SAP130: variants seen among roughly 807,000 people sequenced by gnomAD.
SAP130 encodes histone deacetylase complex subunit SAP130.
A neutral mutation model predicts 103.2 loss-of-function variants in SAP130; 16 were observed. The ratio of observed to expected loss-of-function variants is 0.16; its 90% CI spans 0.10 to 0.24. The LOEUF is 0.24. Ranked by LOEUF, SAP130 falls within the 10% of genes least tolerant of loss-of-function variation. The pLI, the probability that SAP130 is intolerant of heterozygous loss-of-function variation, is 1.00. For missense variants in SAP130, 990 were observed against 1,359.7 expected, an observed-to-expected ratio of 0.73 and a Z score of 4.28; for synonymous variants, 477 against 497.0, an observed-to-expected ratio of 0.96 and a Z score of 0.53.
intron 18 of SAP130, among the ~76,000 whole-genome samples, chr2:127,949,297 A>G (rs570693922): frequency 1.6e-4 from 24 of 152,288 alleles, no homozygotes; most frequent in South Asian, 6.2e-4. Context: ...CCGTAGAAAT[A>G]TTTGCAGGTA....
intron 13 of SAP130, 118 bp from the exon 14 acceptor site, chr2:127,987,080 T>A (rs1157616067): frequency 2.3e-6 from 2 of 871,662 alleles, no homozygotes; most frequent in African/African-American, 1.7e-5. Context: ...AACTGTCCAA[T>A]TTCAAACTGA....
At chr2:127,976,195 T>A (rs545218126) in intron 15 of SAP130, among the ~76,000 whole-genome samples, 1 of 152,202 alleles carries the variant, frequency 6.6e-6, no homozygotes, top group Non-Finnish European at 1.5e-5. Context: ...ACTGCAAGTA[T>A]CCTTATATCA....
Position 127,942,352 on chromosome 2 carries a change from C to T in SAP130, c.3015+72G>A, listed in dbSNP as rs1017781467. ...AAGATATGAGGGAGACGGGGGGAAA[C>T]GGGAGAAGTAGGGCTTTACAGAAAG... On this transcript the variant is annotated intron_variant, in intron 20 of 20. Coordinates refer to ENST00000643581, the MANE Select transcript of SAP130 (RefSeq NM_001330301.2). This position sits in a 1 kb window ranked among gnomAD's most constrained non-coding sequence, Gnocchi z 4.8. 2.6e-5 allele frequency: 31 copies of T among 1,183,612 alleles called. No homozygotes were observed. The highest frequency in any genetic ancestry group is 7.1e-5 in the Admixed American group (4 of 56,386). The allele number at this position is 1,183,612 out of a possible 1,614,324, so 73.3% of individuals were successfully genotyped here.
intron 14 of SAP130, among the ~76,000 whole-genome samples, chr2:127,980,702 G>A (rs1006053767): frequency 1.3e-5 from 2 of 152,120 alleles, no homozygotes; most frequent in African/African-American, 4.8e-5. Flanking sequence ...CTAGCACTTT[G>A]GGAGGCTGAA....
chr2:128,025,679 G>C (rs572503452), intron 2 of SAP130, among the ~76,000 whole-genome samples: 1 of 152,142 alleles, frequency 6.6e-6, no homozygotes, highest in African/African-American at 2.4e-5. Context: ...TATACTGGAG[G>C]ATAGGTATAG....
intron 7 of SAP130, among the ~76,000 whole-genome samples, chr2:128,000,709 C>T (rs960104882): frequency 1.8e-4 from 28 of 152,050 alleles, no homozygotes; most frequent in Admixed American, 9.2e-4. Flanking sequence ...ATCAACACTC[C>T]GTAACAAACT....
Position 128,022,730 on chromosome 2 carries a change from T to C in SAP130, c.112+3451A>G, listed in dbSNP as rs151157488. Among the ~76,000 whole-genome samples, 50 of 152,332 alleles carry C rather than the reference T, an allele frequency of 3.3e-4. 1 individual carries two copies. In the South Asian group the frequency reaches 6.2e-3, roughly 19 times the overall value. Reference sequence around the variant, plus strand: ...ATTAATAATGGTGAGCATCTTCTCATGTGCTTCTTTGGCACTTATCTAGCT... The same window carrying C: ...ATTAATAATGGTGAGCATCTTCTCACGTGCTTCTTTGGCACTTATCTAGCT... On this transcript the variant is annotated intron_variant, in intron 2 of 20. Transcript: ENST00000643581.
At chr2:127,951,174 G>A (rs1679470686) in intron 16 of SAP130, among the ~76,000 whole-genome samples, 2 of 152,176 alleles carry the variant, frequency 1.3e-5, no homozygotes, top group Admixed American at 6.5e-5. Context: ...TGGCTTCAGA[G>A]CTTGCACTCT....
chr2:127,984,172 T>C (rs191638373), intron 14 of SAP130, among the ~76,000 whole-genome samples: 3 of 152,352 alleles, frequency 2.0e-5, no homozygotes, highest in Admixed American at 2.0e-4. Context: ...GATCTTTCAA[T>C]TTCTGCTATC....
intron 7 of SAP130, among the ~76,000 whole-genome samples, chr2:128,006,365 T>C (rs1186893593): frequency 6.6e-6 from 1 of 152,254 alleles, no homozygotes; most frequent in African/African-American, 2.4e-5. Context: ...TGAATGTATT[T>C]AGTAGAAAAA....
chr2:127,980,304 A>G (rs4662762), intron 14 of SAP130, among the ~76,000 whole-genome samples: 59,413 of 152,026 alleles, frequency 0.39, 14,316 homozygotes, highest in Non-Finnish European at 0.52. Context: ...ACCAAACCAA[A>G]AACAAATTTA....
At chr2:128,000,519 T>A in intron 7 of SAP130, 65 bp from the exon 8 acceptor site, 19 of 1,578,838 alleles carry the variant, frequency 1.2e-5, no homozygotes, top group Non-Finnish European at 1.6e-5. Context: ...CCTAGGTTAG[T>A]CATGCAAGTT....
chr2:127,994,891 GAATT>G (rs1428981589), intron 11 of SAP130, among the ~76,000 whole-genome samples: 2 of 152,182 alleles, frequency 1.3e-5, no homozygotes, highest in African/African-American at 4.8e-5. Flanking sequence ...CTAATTTACA[GAATT>G]ATTTAGAGAA....
intron 7 of SAP130, among the ~76,000 whole-genome samples, chr2:128,009,881 C>T (rs1684258269): frequency 6.6e-6 from 1 of 152,184 alleles, no homozygotes; most frequent in Admixed American, 6.5e-5. Flanking sequence ...CCATATAGCT[C>T]ACTCACTTCA....
chr2:128,019,367 C>T (rs976750440), intron 2 of SAP130, among the ~76,000 whole-genome samples: 24 of 152,224 alleles, frequency 1.6e-4, no homozygotes, highest in African/African-American at 5.1e-4. Context: ...CTCTTGGACT[C>T]AAGTGAGCCT....
intron 7 of SAP130, 75 bp from the exon 8 acceptor site, chr2:128,000,529 T>TAGAGACA: frequency 6.4e-7 from 1 of 1,554,844 alleles, no homozygotes; most frequent in Non-Finnish European, 8.8e-7. Flanking sequence ...TCATGCAAGT[T>TAGAGACA]ATACTTTTTC....
At chr2:128,023,304 G>A (rs1685276992) in intron 2 of SAP130, among the ~76,000 whole-genome samples, 1 of 151,908 alleles carries the variant, frequency 6.6e-6, no homozygotes. Context: ...CCTGGCCTCG[G>A]CTAATTTTTG....
rs1217433976 is a variant in SAP130, at chr2:127,996,343, C to T, written c.1355+7G>A. 1.3e-6 allele frequency: 2 copies of T among 1,595,456 alleles called. No individual in the cohort carries two copies. The highest frequency in any genetic ancestry group is 1.1e-5 in the South Asian group (1 of 87,942). ...TGAGGCAGAATAACTGACACACAGC[C>T]TCCTACCTGTTGTCACTTCGGGTTT... On this transcript the variant is annotated splice_region_variant and intron_variant, in intron 11 of 20. Coordinates refer to ENST00000643581, the MANE Select transcript of SAP130 (RefSeq NM_001330301.2). The surrounding 1 kb of genome is among the most constrained non-coding windows in gnomAD (Gnocchi z 4.3).
At chr2:127,999,383 G>T (rs543854174) in intron 10 of SAP130, among the ~76,000 whole-genome samples, 15 of 151,944 alleles carry the variant, frequency 9.9e-5, no homozygotes, top group Non-Finnish European at 2.1e-4. Context: ...AGGCCGAGGC[G>T]GGCAGATCAT....
Sources: gnomAD v4.1 joint callset for allele counts (sites outside exome capture counted in the v4.1 genomes callset) on GRCh38, gnomAD v4.1.1 for gene constraint, Gnocchi (gnomAD v3.1) non-coding constraint, MANE v1.5 for transcripts, NCBI Gene and HGNC (gene_info 2026-07-23, HGNC 2026-07-21) for gene names.